Variants in UNC5D observed in about 807,000 individuals in gnomAD.
UNC5D encodes the protein unc-5 netrin receptor D.
Under a neutral mutation model 105.4 loss-of-function variants are expected in UNC5D, and 39 were observed. That is an observed-to-expected ratio of 0.37 (90% confidence interval 0.29 to 0.48). UNC5D has a LOEUF of 0.48. Ranked by LOEUF, UNC5D falls within the 20% of genes least tolerant of loss-of-function variation. UNC5D has a pLI of 0.98. For synonymous variants in UNC5D, 452 were observed against 450.4 expected (o/e 1.00, Z -0.04); for missense variants, 991 against 1,202.4 (o/e 0.82, Z 2.60).
intron 1 of UNC5D, among the ~76,000 whole-genome samples, chr8:35,524,750 T>G (rs1372802658): frequency 6.6e-6 from 1 of 151,510 alleles, no homozygotes; most frequent in Non-Finnish European, 1.5e-5. Flanking sequence ...ACAGTCAGCT[T>G]GTTACTTTTA....
intron 10 of UNC5D, chr8:35,727,584 C>T (rs1288744703): frequency 6.6e-6 from 1 of 152,192 alleles, no homozygotes; most frequent in Non-Finnish European, 1.5e-5. Context: ...TTGTCTTGTT[C>T]TCCCCTAGAG....
At chr8:35,719,501 T>G (rs1828455519) in intron 8 of UNC5D, among the ~76,000 whole-genome samples, 1 of 152,154 alleles carries the variant, frequency 6.6e-6, no homozygotes, top group African/African-American at 2.4e-5. Context: ...AAAGTCTGGT[T>G]CTATCTCCTG....
intron 1 of UNC5D, among the ~76,000 whole-genome samples, chr8:35,326,822 C>T (rs1810200032): frequency 6.6e-6 from 1 of 151,674 alleles, no homozygotes; most frequent in Middle Eastern, 3.4e-3. Flanking sequence ...AAAACTGATA[C>T]AAAGGAAAGT....
intron 4 of UNC5D, among the ~76,000 whole-genome samples, chr8:35,604,821 T>G (rs1435413957): frequency 6.6e-6 from 1 of 152,224 alleles, no homozygotes; most frequent in Non-Finnish European, 1.5e-5. Context: ...TACCTTTTCT[T>G]CCAGTTGATC....
At chr8:35,592,428 C>T (rs1174722118) in intron 3 of UNC5D, among the ~76,000 whole-genome samples, 2 of 152,080 alleles carry the variant, frequency 1.3e-5, no homozygotes, top group Admixed American at 6.5e-5. Context: ...GGATCAGTTC[C>T]TGTCCGTTTC....
At chr8:35,346,878 A>T (rs989553998) in intron 1 of UNC5D, among the ~76,000 whole-genome samples, 6 of 151,940 alleles carry the variant, frequency 3.9e-5, no homozygotes, top group African/African-American at 1.4e-4. Context: ...TGTATTTCAG[A>T]TGTTGGCATT....
chr8:35,451,187 G>T (rs1286395563), intron 1 of UNC5D, among the ~76,000 whole-genome samples: 3 of 151,928 alleles, frequency 2.0e-5, no homozygotes, highest in Non-Finnish European at 4.4e-5. Context: ...GGGATTACAG[G>T]CATGCACCAC....
chr8:35,569,066 A>C (rs987279560), intron 3 of UNC5D, among the ~76,000 whole-genome samples: 7 of 152,162 alleles, frequency 4.6e-5, no homozygotes, highest in Non-Finnish European at 2.9e-5. Flanking sequence ...AAAAAAAAAA[A>C]AAATACACAC....
At chr8:35,600,642 G>C (rs1233330608) in intron 4 of UNC5D, among the ~76,000 whole-genome samples, 2 of 152,008 alleles carry the variant, frequency 1.3e-5, no homozygotes, top group African/African-American at 4.8e-5. Flanking sequence ...TTTTTGATGG[G>C]GTTGTTTGTT....
intron 8 of UNC5D, among the ~76,000 whole-genome samples, chr8:35,712,798 C>T (rs1586506891): frequency 6.6e-6 from 1 of 152,156 alleles, no homozygotes; most frequent in East Asian, 1.9e-4. Flanking sequence ...TTGGTCATAC[C>T]TTTCAATTCT....
At chr8:35,255,656 A>AC (rs1804027927) in intron 1 of UNC5D, 2 of 152,134 alleles carry the variant, frequency 1.3e-5, no homozygotes, top group Admixed American at 1.3e-4. Flanking sequence ...GACACAGAGA[A>AC]ATTGGGGTGT....
chr8:35,711,713 C>T (rs1827976098), intron 8 of UNC5D, among the ~76,000 whole-genome samples: 1 of 152,152 alleles, frequency 6.6e-6, no homozygotes, highest in South Asian at 2.1e-4. Context: ...TCTGCAAGGC[C>T]TTCAACCTAC....
chr8:35,554,143 T>G (rs1477102688), intron 2 of UNC5D, among the ~76,000 whole-genome samples: 1 of 152,202 alleles, frequency 6.6e-6, no homozygotes, highest in Non-Finnish European at 1.5e-5. Flanking sequence ...TGTTCCTAAA[T>G]TGGAAGCAAT....
intron 13 of UNC5D, among the ~76,000 whole-genome samples, chr8:35,752,632 C>A (rs1563734752): frequency 6.6e-6 from 1 of 152,150 alleles, no homozygotes; most frequent in Non-Finnish European, 1.5e-5. Flanking sequence ...ATTTAATACT[C>A]TTCCTCTGCA....
chr8:35,603,847 C>T (rs1048179383), intron 4 of UNC5D, among the ~76,000 whole-genome samples: 59 of 152,142 alleles, frequency 3.9e-4, no homozygotes, highest in African/African-American at 1.4e-3. Flanking sequence ...TCTGTTTTAT[C>T]AGAGACTAGG....
chr8:35,463,182 C>G (rs543809746), intron 1 of UNC5D, among the ~76,000 whole-genome samples: 1 of 152,226 alleles, frequency 6.6e-6, no homozygotes, highest in African/African-American at 2.4e-5. Flanking sequence ...CCATCCCTGC[C>G]CACAGAGCAC....
chr8:35,303,473 T>A (rs1355147648), intron 1 of UNC5D, among the ~76,000 whole-genome samples: 1 of 152,184 alleles, frequency 6.6e-6, no homozygotes, highest in African/African-American at 2.4e-5. Flanking sequence ...TAGGTTTAGA[T>A]AATTAGAATT....
At chr8:35,580,267 T>C (rs1465044391) in intron 3 of UNC5D, among the ~76,000 whole-genome samples, 1 of 152,240 alleles carries the variant, frequency 6.6e-6, no homozygotes, top group African/African-American at 2.4e-5. Context: ...TTCAAGGATA[T>C]GAGAGCAGAA....
chr8:35,784,987 A>G (rs913613719), intron 16 of UNC5D, among the ~76,000 whole-genome samples: 1 of 152,118 alleles, frequency 6.6e-6, no homozygotes, highest in African/African-American at 2.4e-5. Flanking sequence ...CAAAGAAAAA[A>G]ATAGTTTCAT....
Sources: allele counts gnomAD v4.1 joint callset (sites outside exome capture counted in the v4.1 genomes callset), GRCh38; gene constraint gnomAD v4.1.1; transcripts MANE v1.5; gene names NCBI Gene and HGNC (gene_info 2026-07-23, HGNC 2026-07-21).